Variants in EHBP1L1 observed in about 807,000 individuals in gnomAD.
The protein encoded by EHBP1L1 is EH domain-binding protein 1-like protein 1.
In EHBP1L1, 122 loss-of-function variants were observed where a neutral mutation model predicts 151.1. The ratio of observed to expected loss-of-function variants is 0.81; its 90% CI spans 0.70 to 0.94. The LOEUF (loss-of-function observed/expected upper bound fraction) is 0.94, where lower values mean the gene tolerates loss of function less well. EHBP1L1 is among the 40% of genes least tolerant of loss of function. EHBP1L1 has a pLI of 0.00. For missense variants in EHBP1L1, 1,941 were observed against 1,959.8 expected (o/e 0.99, Z 0.18); for synonymous variants, 878 against 810.1 (o/e 1.08, Z -1.42).
At chr11:65,588,496 G>C (rs1858092004) in intron 12 of EHBP1L1, among the ~76,000 whole-genome samples, 1 of 152,176 alleles carries the variant, frequency 6.6e-6, no homozygotes. Flanking sequence ...GTGGCTGGTG[G>C]GGAAGTCACC....
In EHBP1L1 at chr11:65,582,100, A is replaced by G. The variant is rs545610877; in HGVS notation, c.1428A>G (p.Ser476=). Residue 476 remains serine (S), a synonymous_variant, in exon 9 of 19, where the codon TCA becomes TCG. Transcript: ENST00000309295. ...LGVRTRDEAP[S]GLSLPPAEPA... Reference sequence around the variant, plus strand: ...TCAGGACCAGGGATGAGGCTCCCTCAGGCCTGAGCCTGCCCCCAGCGGAGC... The same window carrying G: ...TCAGGACCAGGGATGAGGCTCCCTCGGGCCTGAGCCTGCCCCCAGCGGAGC... The G allele has an allele frequency of 1.2e-6, 2 of 1,605,760 alleles. No individual in the cohort carries two copies. The highest frequency in any genetic ancestry group is 2.2e-5 in the East Asian group (1 of 44,776).
rs1857625158 is a variant in EHBP1L1 at position 65,581,801 on chromosome 11, A to C, written c.1129A>C (p.Lys377Gln). Residue 377 changes from lysine (K) to glutamine (Q), a missense_variant, in exon 9 of 19, where the codon AAG (lysine) becomes CAG (glutamine). Coordinates refer to ENST00000309295, the MANE Select transcript of EHBP1L1 (RefSeq NM_001099409.3). The part of the protein sequence containing the change: ...SGDPFGRQRL[K>Q]AEEMDTEDRP... ...AGACCCTTTTGGAAGGCAGAGACTC[A>C]AGGCTGAAGAGATGGACACTGAGGA... The C allele has an allele frequency of 2.5e-6, 4 of 1,613,392 alleles. No homozygotes were observed. The highest frequency in any genetic ancestry group is 3.4e-6 in the Non-Finnish European group (4 of 1,179,728).
chr11:65,582,176 G>A lies in EHBP1L1; in HGVS notation c.1504G>A (p.Ala502Thr). The A allele has an allele frequency of 6.4e-7, 1 of 1,569,306 alleles. No homozygotes were observed. The highest frequency in any genetic ancestry group is 8.6e-7 in the Non-Finnish European group (1 of 1,159,314). ...TGACCTCGAGGGGGCCAGGGCTGCT[G>A]CAGGCCAGGAGAGAGAGGGTGCAGA... ...LGDLEGARAAAGQEREGAEVR... is the reference protein window; with the variant it reads ...LGDLEGARAATGQEREGAEVR... Residue 502 changes from alanine (A) to threonine (T), a missense_variant, in exon 9 of 19, where the codon GCA (alanine) becomes ACA (threonine). Coordinates refer to ENST00000309295, the MANE Select transcript of EHBP1L1 (RefSeq NM_001099409.3).
chr11:65,582,121 G>A lies in EHBP1L1; in HGVS notation c.1449G>A (p.Ala483=), dbSNP rs746365198. 13 of 1,597,844 alleles carry A rather than the reference G, an allele frequency of 8.1e-6. No homozygotes were observed. The highest frequency in any genetic ancestry group is 1.7e-4 in the Middle Eastern group (1 of 5,924). Residue 483 remains alanine, a synonymous_variant, in exon 9 of 19, where the codon GCG becomes GCA. Coordinates refer to ENST00000309295, the MANE Select transcript of EHBP1L1 (RefSeq NM_001099409.3). ...CCTCAGGCCTGAGCCTGCCCCCAGC[G>A]GAGCCTGCAGGGCACTCTGGGCAAC... ...EAPSGLSLPP[A]EPAGHSGQLG... is the part of the protein sequence containing the mutation.
At chr11:65,591,745 C>A (rs769724269) in intron 16 of EHBP1L1, 55 bp from the exon 17 acceptor site, 4 of 1,376,538 alleles carry the variant, frequency 2.9e-6, no homozygotes, top group Admixed American at 3.9e-5. Context: ...TCTCTCCCTA[C>A]GCCCCTTTTC....
intron 3 of EHBP1L1, 48 bp from the exon 4 acceptor site, chr11:65,579,888 T>TA: frequency 6.2e-7 from 1 of 1,600,286 alleles, no homozygotes; most frequent in Non-Finnish European, 8.6e-7. Flanking sequence ...TCTGCTCCCT[T>TA]TGCTGCTGCC....
rs747064528 is a variant in EHBP1L1, at chr11:65,584,996, T to C, written c.3338T>C (p.Leu1113Pro). 64 of 1,534,728 alleles carry C rather than the reference T, an allele frequency of 4.2e-5. No homozygotes were observed. The highest frequency in any genetic ancestry group is 5.2e-5 in the Non-Finnish European group (60 of 1,146,512). Residue 1113 changes from leucine (L) to proline (P), a missense_variant, in exon 12 of 19, where the codon CTG (leucine) becomes CCG (proline). Leu to Pro is a moderately conservative substitution (Grantham distance 98). Transcript: ENST00000309295. Reference sequence around the variant, plus strand: ...TTCGCGGCTCTGGGCGTGTCGCGGCTGCTGGAGCCCGCGGACATGGTGCTA... The same window carrying C: ...TTCGCGGCTCTGGGCGTGTCGCGGCCGCTGGAGCCCGCGGACATGGTGCTA... ...DGFAALGVSR[L>P]LEPADMVLLS...
chr11:65,591,648 C>CAG, intron 16 of EHBP1L1, 152 bp from the exon 17 acceptor site: 1 of 694,626 alleles, frequency 1.4e-6, no homozygotes, highest in Non-Finnish European at 2.6e-6. Flanking sequence ...GGTCTGGAGA[C>CAG]TAGAGGATAG....
At chr11:65,589,876 G>A in intron 13 of EHBP1L1, 56 bp downstream of exon 13, 1 of 1,537,728 alleles carries the variant, frequency 6.5e-7, no homozygotes, top group Non-Finnish European at 8.8e-7. Flanking sequence ...AGCCTGGACT[G>A]GGGACTTCCT....
Position 65,581,072 on chromosome 11 carries a change from C to T in EHBP1L1, c.649C>T (p.Leu217=). The part of the protein sequence containing the change: ...RVPQPDPSRE[L]KTLCEEEEEG... ...ACCATTCCCAGATCCCTCTCGAGAG[C>T]TGAAGACGCTTTGTGAGGAGGAGGA... Residue 217 remains leucine, a synonymous_variant, in exon 7 of 19, where the codon CTG becomes TTG. Coordinates refer to ENST00000309295, the MANE Select transcript of EHBP1L1 (RefSeq NM_001099409.3). The T allele has an allele frequency of 6.2e-7, 1 of 1,611,380 alleles. No individual in the cohort carries two copies.
At chr11:65,589,677 A>T (rs1858156581) in intron 12 of EHBP1L1, 74 bp from the exon 13 acceptor site, 1 of 1,460,718 alleles carries the variant, frequency 6.8e-7, no homozygotes, top group East Asian at 2.5e-5. Context: ...CCTCTGTATG[A>T]GTGGCTCTGG....
At chr11:65,586,893 A>C (rs924014098) in intron 12 of EHBP1L1, among the ~76,000 whole-genome samples, 2 of 152,186 alleles carry the variant, frequency 1.3e-5, no homozygotes, top group African/African-American at 2.4e-5. Context: ...TTTCCAAGTC[A>C]GGCCTTCCCC....
Position 65,582,401 on chromosome 11 carries a change from G to C in EHBP1L1, c.1729G>C (p.Val577Leu), listed in dbSNP as rs1313095954. 3 of 1,606,328 alleles carry C rather than the reference G, an allele frequency of 1.9e-6. No homozygotes were observed. Among genetic ancestry groups the C allele is most frequent in the Non-Finnish European group, 2.5e-6 (3 of 1,177,056 alleles). The part of the protein sequence containing the change: ...SGDLETETEV[V>L]GLEVLGTQEK... ...GGACCTGGAAACAGAGACTGAGGTG[G>C]TAGGGTTGGAGGTGCTGGGAACCCA... Residue 577 changes from valine to leucine, a missense_variant, in exon 9 of 19, where the codon GTA (valine) becomes CTA (leucine). By Grantham distance (32) the Val-to-Leu change is conservative (BLOSUM62 1). Transcript: ENST00000309295.
At chr11:65,584,673 T>A in intron 11 of EHBP1L1, 139 bp downstream of exon 11, 1 of 1,212,322 alleles carries the variant, frequency 8.2e-7, no homozygotes, top group Non-Finnish European at 1.2e-6. Flanking sequence ...CTTTGGTCAT[T>A]AAATTGTTTG....
In EHBP1L1 at chr11:65,581,350, C is replaced by T; in HGVS notation, c.843C>T (p.Pro281=). The T allele has an allele frequency of 6.3e-7, 1 of 1,579,000 alleles. No individual in the cohort carries two copies. Among genetic ancestry groups the T allele is most frequent in the South Asian group, 1.1e-5 (1 of 87,262 alleles). ...GGQVGPEAPR[P]PETSPEMRSS... The stretch of plus-strand genomic sequence containing the variant: ...AGGTAGGCCCTGAGGCCCCAAGGCC[C>T]CCGGAAACCTCACCAGAGATGAGGT... The change falls in exon 8 of 19, where the codon CCC becomes CCT. Residue 281 remains proline, a synonymous_variant. Coordinates refer to ENST00000309295, the MANE Select transcript of EHBP1L1 (RefSeq NM_001099409.3).
chr11:65,591,843 CGCGA>C lies in EHBP1L1; in HGVS notation c.4330_4333del (p.Glu1444CysfsTer31). On this transcript the variant is annotated frameshift_variant, in exon 17 of 19. Transcript: ENST00000309295. LOFTEE classifies it high-confidence loss of function. Reference sequence around the variant, plus strand: ...GGAGCGAAGGTTCGAGCTGCTGAGCCGCGAGCTGCGGGCCATGCTGGCCATCGAA... The same window carrying C: ...GGAGCGAAGGTTCGAGCTGCTGAGCCGCTGCGGGCCATGCTGGCCATCGAA... 1 of 1,553,942 alleles carries C rather than the reference CGCGA, an allele frequency of 6.4e-7. No individual in the cohort carries two copies. The highest frequency in any genetic ancestry group is 1.2e-5 in the South Asian group (1 of 84,894).
intron 6 of EHBP1L1, 32 bp downstream of exon 6, chr11:65,580,511 G>T (rs753877048): frequency 4.3e-5 from 69 of 1,599,918 alleles, no homozygotes; most frequent in Non-Finnish European, 5.6e-5. Flanking sequence ...GATCGAGACT[G>T]CCAAGACCTG....
At position 65,580,975 on chromosome 11, in the gene EHBP1L1, A is replaced by G. The variant is rs2135251866; in HGVS notation, c.635-83A>G. ...AGGGCGTTTCCCAGGTAGGACCTGCACTGTAGTTGGGGGAGGGGGTCAGGC... is the reference window on the plus strand; with the variant it reads ...AGGGCGTTTCCCAGGTAGGACCTGCGCTGTAGTTGGGGGAGGGGGTCAGGC... On this transcript the variant is annotated intron_variant, in intron 6 of 18. Coordinates refer to ENST00000309295, the MANE Select transcript of EHBP1L1 (RefSeq NM_001099409.3). The G allele has an allele frequency of 3.9e-6, 6 of 1,519,488 alleles. No individual in the cohort carries two copies. In the African/African-American group the frequency reaches 4.2e-5, roughly 11 times the overall value. The allele number at this position is 1,519,488 out of a possible 1,614,324, so 94.1% of individuals were successfully genotyped here. A position where few individuals can be genotyped will look rare whatever the true frequency, so the allele number is the denominator to read the frequency against.
rs1038133951 is a variant in EHBP1L1, at chr11:65,584,040, C to T, written c.3094-201C>T. On this transcript the variant is annotated intron_variant, in intron 9 of 18. Transcript: ENST00000309295. ...GTGACCTCTGATCTTGTCTGGGGGC[C>T]ACTGACCTTTTAGGTGACCTTGGCA... The T allele has an allele frequency of 4.2e-6, 6 of 1,413,666 alleles. No homozygotes were observed. In the African/African-American group the frequency reaches 7.2e-5, roughly 17 times the overall value. 87.6% of individuals were successfully genotyped at this position (1,413,666 alleles called of 1,614,324 possible). A position where few individuals can be genotyped will look rare whatever the true frequency, so the allele number is the denominator to read the frequency against.
Sources: allele counts gnomAD v4.1 joint callset (sites outside exome capture counted in the v4.1 genomes callset), GRCh38; gene constraint gnomAD v4.1.1; transcripts MANE v1.5; gene names NCBI Gene and HGNC (gene_info 2026-07-23, HGNC 2026-07-21).